Variants in GALNT13 observed in about 807,000 individuals in gnomAD.
GALNT13 encodes polypeptide N-acetylgalactosaminyltransferase 13.
GALNT13 carries 28 observed loss-of-function variants against 64.2 expected under a neutral mutation model. The ratio of observed to expected loss-of-function variants is 0.44; its 90% CI spans 0.32 to 0.60. GALNT13 has a LOEUF of 0.60. Ranked by LOEUF, GALNT13 falls within the 20% of genes least tolerant of loss-of-function variation. The pLI, the probability that GALNT13 is intolerant of heterozygous loss-of-function variation, is 0.05. For missense variants in GALNT13, 577 were observed against 669.8 expected (o/e 0.86, Z 1.53); for synonymous variants, 214 against 224.6 (o/e 0.95, Z 0.42).
chr2:154,072,722 G>A (rs1208544836), intron 3 of GALNT13, among the ~76,000 whole-genome samples: 2 of 152,016 alleles, frequency 1.3e-5, no homozygotes, highest in Non-Finnish European at 2.9e-5. Flanking sequence ...TGGTGGTAGG[G>A]CTGCAACTAC....
At chr2:153,208,635 C>G in the GALNT13 span, among the ~76,000 whole-genome samples, 1 of 152,102 alleles carries the variant, frequency 6.6e-6, no homozygotes, top group African/African-American at 2.4e-5. Flanking sequence ...TTTGTGTAGG[C>G]ATTCATTTTC....
At chr2:153,918,974 C>T (rs1391912825) in intron 2 of GALNT13, among the ~76,000 whole-genome samples, 1 of 152,080 alleles carries the variant, frequency 6.6e-6, no homozygotes, top group African/African-American at 2.4e-5. Context: ...TTCAAGCTCA[C>T]CAAAGTTAGT....
chr2:153,133,561 A>G, the GALNT13 span, among the ~76,000 whole-genome samples: 5 of 152,066 alleles, frequency 3.3e-5, no homozygotes, highest in African/African-American at 1.2e-4. Flanking sequence ...TGGTTGTGTG[A>G]CAAGAACCCG....
At chr2:153,722,630 C>T in the GALNT13 span, among the ~76,000 whole-genome samples, 25 of 151,694 alleles carry the variant, frequency 1.6e-4, no homozygotes, top group South Asian at 1.9e-3. Flanking sequence ...ATATCACCAC[C>T]GATCCCACAG....
intron 11 of GALNT13, among the ~76,000 whole-genome samples, chr2:154,413,330 G>A (rs893754374): frequency 6.6e-6 from 1 of 151,884 alleles, no homozygotes; most frequent in Admixed American, 6.6e-5. Flanking sequence ...ATGGAAAAAT[G>A]TCCCTACATC....
intron 8 of GALNT13, among the ~76,000 whole-genome samples, chr2:154,276,039 G>T (rs1215076810): frequency 6.6e-6 from 1 of 152,052 alleles, no homozygotes; most frequent in Non-Finnish European, 1.5e-5. Flanking sequence ...CTCCCATTTG[G>T]AATGGGTATA....
At chr2:153,853,322 C>T in the GALNT13 span, among the ~76,000 whole-genome samples, 50 of 152,218 alleles carry the variant, frequency 3.3e-4, no homozygotes, top group Non-Finnish European at 5.6e-4. Context: ...CACAGACACA[C>T]CCAGAAACAA....
the GALNT13 span, among the ~76,000 whole-genome samples, chr2:153,623,732 T>C: frequency 6.6e-6 from 1 of 152,026 alleles, no homozygotes; most frequent in African/African-American, 2.4e-5. Flanking sequence ...AATGAAAATA[T>C]TCAAATTTAT....
intron 3 of GALNT13, among the ~76,000 whole-genome samples, chr2:153,975,955 T>G (rs1460748781): frequency 6.6e-6 from 1 of 152,130 alleles, no homozygotes; most frequent in Non-Finnish European, 1.5e-5. Flanking sequence ...GCAATTTTTC[T>G]TTGTCATTTA....
At chr2:153,860,141 C>T in the GALNT13 span, among the ~76,000 whole-genome samples, 6 of 152,166 alleles carry the variant, frequency 3.9e-5, no homozygotes, top group African/African-American at 1.2e-4. Context: ...TTTATTCAGA[C>T]GTTTTGTACT....
chr2:153,762,945 A>T, the GALNT13 span, among the ~76,000 whole-genome samples: 22 of 152,064 alleles, frequency 1.4e-4, 1 homozygote, highest in Admixed American at 7.9e-4. Flanking sequence ...TGCATAAAAC[A>T]TACTTATAAC....
At chr2:153,869,114 C>A (rs1411478086), upstream of GALNT13, among the ~76,000 whole-genome samples, 2 of 152,006 alleles carry the variant, frequency 1.3e-5, no homozygotes, top group Non-Finnish European at 2.9e-5. Context: ...TATTTCTGGA[C>A]CTTACAACCT....
At chr2:154,137,739 C>T (rs1683035981) in intron 3 of GALNT13, among the ~76,000 whole-genome samples, 1 of 152,010 alleles carries the variant, frequency 6.6e-6, no homozygotes, top group Non-Finnish European at 1.5e-5. Flanking sequence ...TATCTGCTTC[C>T]TAGTCTTGGA....
At chr2:153,957,377 A>C (rs1692635778) in intron 3 of GALNT13, among the ~76,000 whole-genome samples, 1 of 152,236 alleles carries the variant, frequency 6.6e-6, no homozygotes, top group African/African-American at 2.4e-5. Flanking sequence ...CGCAACCAGC[A>C]GTGGAGTCAC....
intron 7 of GALNT13, 101 bp from the exon 8 acceptor site, chr2:154,258,920 T>G: frequency 1.6e-6 from 1 of 630,522 alleles, no homozygotes. Context: ...TTGAGATTTT[T>G]TAAATATTTA....
chr2:153,196,737 G>C, the GALNT13 span, among the ~76,000 whole-genome samples: 1 of 152,014 alleles, frequency 6.6e-6, no homozygotes, highest in Non-Finnish European at 1.5e-5. Flanking sequence ...TGGGTGGCTC[G>C]TCCTGACCCC....
At chr2:153,835,807 A>C in the GALNT13 span, among the ~76,000 whole-genome samples, 1 of 152,062 alleles carries the variant, frequency 6.6e-6, no homozygotes, top group African/African-American at 2.4e-5. Context: ...GGAAACCAGC[A>C]GATTAACTCT....
At chr2:154,172,520 C>A (rs946818525) in intron 4 of GALNT13, among the ~76,000 whole-genome samples, 1 of 151,986 alleles carries the variant, frequency 6.6e-6, no homozygotes, top group African/African-American at 2.4e-5. Flanking sequence ...TTAGCTCCTA[C>A]TCATGAGTGA....
the GALNT13 span, among the ~76,000 whole-genome samples, chr2:153,271,720 C>A: frequency 1.3e-5 from 2 of 152,078 alleles, no homozygotes; most frequent in Non-Finnish European, 2.9e-5. Flanking sequence ...CAATGCTATC[C>A]CCATCAAGCT....
Sources: allele counts gnomAD v4.1 joint callset (sites outside exome capture counted in the v4.1 genomes callset), GRCh38; gene constraint gnomAD v4.1.1; transcripts MANE v1.5; gene names NCBI Gene and HGNC (gene_info 2026-07-23, HGNC 2026-07-21).